CASK: variants seen among roughly 807,000 people sequenced by gnomAD.
CASK encodes the protein calcium/calmodulin dependent serine protein kinase, also known as peripheral plasma membrane protein CASK.
A neutral mutation model predicts 82.9 loss-of-function variants in CASK; 4 were observed. That is an observed-to-expected ratio of 0.05 (90% CI 0.02 to 0.11). The LOEUF is 0.11. Among genes scored for constraint, CASK ranks in the 10% least tolerant of loss-of-function variants. The pLI is 1.00. For missense variants in CASK, 358 were observed against 720.9 expected (o/e 0.50, Z 5.76); for synonymous variants, 259 against 253.5 (o/e 1.02, Z -0.20).
intron 5 of CASK, among the ~76,000 whole-genome samples, chrX:41,719,603 G>A (rs951946819): frequency 5.4e-5 from 6 of 111,839 alleles, no homozygotes; most frequent in Middle Eastern, 4.6e-3. Flanking sequence ...GGGTACACTC[G>A]CCAGCAGTTT....
chrX:41,742,855 G>A (rs769951543), intron 4 of CASK, among the ~76,000 whole-genome samples: 21 of 111,647 alleles, frequency 1.9e-4, no homozygotes, highest in Non-Finnish European at 3.8e-4. Flanking sequence ...TTCAGAGGAA[G>A]AACCTTTAAT....
chrX:41,893,974 C>G (rs2072225415), intron 1 of CASK, among the ~76,000 whole-genome samples: 1 of 110,834 alleles, frequency 9.0e-6, no homozygotes, highest in Non-Finnish European at 1.9e-5. Context: ...CAGTTATCAA[C>G]AACAGAAAAA....
chrX:41,764,209 C>CT lies in CASK; in HGVS notation c.279-18609dup, dbSNP rs199601188. Among the ~76,000 whole-genome samples, 1,032 of 108,306 alleles carry CT rather than the reference C, an allele frequency of 9.5e-3. 16 individuals carry two copies. The highest frequency in any genetic ancestry group is 0.032 in the African/African-American group (963 of 29,863). 94.1% of individuals were successfully genotyped at this position (108,306 alleles called of 115,157 possible). A position where few individuals can be genotyped will look rare whatever the true frequency, so the allele number is the denominator to read the frequency against. ...TTCCTATAATATTGTTCCTGATACA[C>CT]TTTTTTTTTTCTGGCTTCTGCAACT... On this transcript the variant is annotated intron_variant, in intron 3 of 26. Coordinates refer to ENST00000378163, the MANE Select transcript of CASK (RefSeq NM_001367721.1).
At chrX:41,830,677 G>A (rs780624880) in intron 2 of CASK, among the ~76,000 whole-genome samples, 13 of 107,872 alleles carry the variant, frequency 1.2e-4, no homozygotes, top group African/African-American at 3.7e-4. Flanking sequence ...AAAATTAGCC[G>A]GGCGTGGTGG....
intron 5 of CASK, chrX:41,728,031 T>C (rs994204265): frequency 1.6e-5 from 17 of 1,082,343 alleles, no homozygotes; most frequent in Non-Finnish European, 2.1e-5. Flanking sequence ...TGCAATCATA[T>C]GGTTGACTTT....
At chrX:41,748,982 T>C (rs754033215) in intron 3 of CASK, among the ~76,000 whole-genome samples, 14 of 111,696 alleles carry the variant, frequency 1.3e-4, no homozygotes, top group Admixed American at 1.9e-4. Context: ...TTGCATCAAG[T>C]TACCATTTAA....
intron 5 of CASK, among the ~76,000 whole-genome samples, chrX:41,724,957 T>A (rs2068232802): frequency 8.9e-6 from 1 of 112,190 alleles, no homozygotes; most frequent in South Asian, 3.6e-4. Context: ...GAGCAGATAA[T>A]TTTTTCTTAA....
At chrX:41,547,544 G>T in intron 21 of CASK, among the ~76,000 whole-genome samples, 2 of 111,206 alleles carry the variant, frequency 1.8e-5, no homozygotes. Flanking sequence ...TTATGGTGTT[G>T]CAAGTGGTGT....
At chrX:41,661,064 G>A (rs2067024384) in intron 7 of CASK, among the ~76,000 whole-genome samples, 1 of 112,020 alleles carries the variant, frequency 8.9e-6, no homozygotes, top group African/African-American at 3.2e-5. Context: ...AGGTCCCACA[G>A]AATAACAGAT....
At chrX:41,718,826 G>A (rs1396589325) in intron 5 of CASK, among the ~76,000 whole-genome samples, 6 of 111,425 alleles carry the variant, frequency 5.4e-5, no homozygotes, top group Non-Finnish European at 1.1e-4. Context: ...GAGAATTCCC[G>A]GGCTTCCTTC....
chrX:41,715,648 T>C (rs1242314260), intron 5 of CASK, among the ~76,000 whole-genome samples: 1 of 104,160 alleles, frequency 9.6e-6, no homozygotes, highest in Non-Finnish European at 2.0e-5. Flanking sequence ...AAGATCCTGG[T>C]TCAGAAAGTG....
At chrX:41,699,771 T>C (rs967471115) in intron 5 of CASK, among the ~76,000 whole-genome samples, 7 of 111,532 alleles carry the variant, frequency 6.3e-5, no homozygotes, top group African/African-American at 2.0e-4. Context: ...TTATAACAGA[T>C]TGCTTACTGA....
intron 2 of CASK, among the ~76,000 whole-genome samples, chrX:41,841,636 C>T (rs2071042076): frequency 1.8e-5 from 2 of 108,849 alleles, no homozygotes; most frequent in African/African-American, 6.7e-5. Flanking sequence ...ATGTCTCAGC[C>T]TCCTGAGTAG....
intron 3 of CASK, among the ~76,000 whole-genome samples, chrX:41,772,702 T>C (rs113166693): frequency 0.01 from 1,135 of 111,456 alleles, 13 homozygotes; most frequent in African/African-American, 0.034. Context: ...ACAAATCACA[T>C]AAAGAGAACA....
At chrX:41,673,398 G>A (rs1219585604) in intron 5 of CASK, among the ~76,000 whole-genome samples, 1 of 111,921 alleles carries the variant, frequency 8.9e-6, no homozygotes, top group African/African-American at 3.2e-5. Flanking sequence ...CAGATTACAG[G>A]CATGAGCCAC....
At chrX:41,595,232 T>C (rs1184794155) in intron 12 of CASK, among the ~76,000 whole-genome samples, 1 of 112,322 alleles carries the variant, frequency 8.9e-6, no homozygotes, top group Non-Finnish European at 1.9e-5. Flanking sequence ...AATTAAGAAA[T>C]GTGTTTTGAC....
chrX:41,603,163 A>G (rs768306015), intron 12 of CASK, among the ~76,000 whole-genome samples: 1 of 112,280 alleles, frequency 8.9e-6, no homozygotes, highest in African/African-American at 3.2e-5. Flanking sequence ...CTGGACTACA[A>G]ATTCTTGGGA....
chrX:41,843,547 T>TA (rs1188920710), intron 2 of CASK, among the ~76,000 whole-genome samples: 1 of 112,026 alleles, frequency 8.9e-6, no homozygotes. Flanking sequence ...CAGGTACAAT[T>TA]AACTTATCAT....
chrX:41,901,498 A>G (rs1263411221), intron 1 of CASK, among the ~76,000 whole-genome samples: 1 of 110,015 alleles, frequency 9.1e-6, no homozygotes, highest in Non-Finnish European at 1.9e-5. Flanking sequence ...GAAAAAAAAA[A>G]AAAAAGAAGA....
Sources: allele counts gnomAD v4.1 joint callset (sites outside exome capture counted in the v4.1 genomes callset), GRCh38; gene constraint gnomAD v4.1.1; transcripts MANE v1.5; gene names NCBI Gene and HGNC (gene_info 2026-07-23, HGNC 2026-07-21).